The following ADAMTS14 variants were observed in gnomAD, a reference collection of about 807,000 sequenced individuals.
The protein encoded by ADAMTS14 is A disintegrin and metalloproteinase with thrombospondin motifs 14.
ADAMTS14 carries 100 observed loss-of-function variants against 128.6 expected under a neutral mutation model. That is an observed-to-expected ratio of 0.78 (90% confidence interval 0.66 to 0.92). The LOEUF is 0.92. ADAMTS14 is among the 40% of genes least tolerant of loss of function. ADAMTS14 has a pLI of 0.00. For synonymous variants in ADAMTS14, 665 were observed against 653.8 expected (o/e 1.02, Z -0.26); for missense variants, 1,562 against 1,658.6 (o/e 0.94, Z 1.01).
chr10:70,685,438 A>C (rs1839925494), intron 2 of ADAMTS14, among the ~76,000 whole-genome samples: 1 of 152,242 alleles, frequency 6.6e-6, no homozygotes, highest in African/African-American at 2.4e-5. Flanking sequence ...GAAAACCTGC[A>C]TGGATCCCAG....
chr10:70,726,213 C>A (rs551305538), intron 4 of ADAMTS14, among the ~76,000 whole-genome samples: 1 of 152,248 alleles, frequency 6.6e-6, no homozygotes, highest in African/African-American at 2.4e-5. Context: ...CAGCCCCCTG[C>A]CCAGTCCCAC....
intron 4 of ADAMTS14, among the ~76,000 whole-genome samples, chr10:70,712,034 C>A (rs1018778424): frequency 3.3e-5 from 5 of 151,650 alleles, no homozygotes; most frequent in Non-Finnish European, 5.9e-5. Flanking sequence ...AAGGCTACCA[C>A]ATGGAGTTGT....
In ADAMTS14 at chr10:70,752,235, C is replaced by T. The variant is rs376047294; in HGVS notation, c.2729+8C>T. ...CCCGTGCTCTCAGCCTGTGTGAGTGCTCCCAGGGAGGGACGGGGAGTCTGG... is the reference window on the plus strand; with the variant it reads ...CCCGTGCTCTCAGCCTGTGTGAGTGTTCCCAGGGAGGGACGGGGAGTCTGG... On this transcript the variant is annotated splice_region_variant and intron_variant, in intron 18 of 21. Coordinates refer to ENST00000373207, the MANE Select transcript of ADAMTS14 (RefSeq NM_080722.4). 1.9e-5 allele frequency: 30 copies of T among 1,613,286 alleles called. No homozygotes were observed. In the African/African-American group the frequency reaches 2.9e-4, roughly 16 times the overall value.
In ADAMTS14 at chr10:70,758,256, C is replaced by T. The variant is rs200753606; in HGVS notation, c.3149C>T (p.Pro1050Leu). The change falls in exon 21 of 22, where the codon CCC becomes CTC. Residue 1050 changes from proline (P) to leucine (L), a missense_variant. Coordinates refer to ENST00000373207, the MANE Select transcript of ADAMTS14 (RefSeq NM_080722.4). ...GGGCAGTGGGTGCCACAATCTGAAC[C>T]CCTACATCCCATTAACAAGATATCA... Reference protein sequence around the residue: ...PEGQWVPQSEPLHPINKISST... With the variant: ...PEGQWVPQSELLHPINKISST... 244 of 1,614,218 alleles carry T rather than the reference C, an allele frequency of 1.5e-4. No individual in the cohort carries two copies. The highest frequency in any genetic ancestry group is 1.6e-4 in the Middle Eastern group (1 of 6,062).
At chr10:70,733,306 G>C (rs935648725) in intron 7 of ADAMTS14, among the ~76,000 whole-genome samples, 1 of 152,224 alleles carries the variant, frequency 6.6e-6, no homozygotes, top group Admixed American at 6.5e-5. Flanking sequence ...TAATTGTGAA[G>C]AGCAAACTTT....
chr10:70,720,025 G>C (rs1422110816), intron 4 of ADAMTS14, among the ~76,000 whole-genome samples: 1 of 152,232 alleles, frequency 6.6e-6, no homozygotes, highest in Admixed American at 6.5e-5. Context: ...CTTGTGAGAG[G>C]GACTCTTTTG....
chr10:70,755,350 A>T (rs1456863773), intron 19 of ADAMTS14, among the ~76,000 whole-genome samples: 5 of 151,680 alleles, frequency 3.3e-5, no homozygotes, highest in Admixed American at 3.3e-4. Flanking sequence ...TAAGCCAGAC[A>T]TCCAGACATG....
intron 2 of ADAMTS14, among the ~76,000 whole-genome samples, chr10:70,697,858 G>A (rs866463719): frequency 1.3e-5 from 2 of 152,240 alleles, no homozygotes; most frequent in South Asian, 2.1e-4. Flanking sequence ...GCAGCCGAAT[G>A]TGTTACCTTT....
intron 2 of ADAMTS14, among the ~76,000 whole-genome samples, chr10:70,693,395 C>T (rs986982497): frequency 6.6e-6 from 1 of 152,230 alleles, no homozygotes; most frequent in Admixed American, 6.5e-5. Flanking sequence ...GGGCTCCCCT[C>T]CTGAGCCACT....
chr10:70,685,069 C>T (rs979001685), intron 2 of ADAMTS14, among the ~76,000 whole-genome samples: 3 of 152,260 alleles, frequency 2.0e-5, no homozygotes, highest in East Asian at 1.9e-4. Context: ...ATTTTTCTTC[C>T]TCTGTGTCTT....
chr10:70,685,518 T>C (rs1268510621), intron 2 of ADAMTS14, among the ~76,000 whole-genome samples: 1 of 152,090 alleles, frequency 6.6e-6, no homozygotes, highest in African/African-American at 2.4e-5. Flanking sequence ...GGAAAAGGCT[T>C]TGGGGCCCTC....
At chr10:70,688,193 T>C (rs1460024659) in intron 2 of ADAMTS14, among the ~76,000 whole-genome samples, 519 of 34,434 alleles carry the variant, frequency 0.015, no homozygotes, top group East Asian at 0.049. Flanking sequence ...CCAGACGGGG[T>C]CTCGGCCGGG....
rs1486292017 is a variant in ADAMTS14 at position 70,736,764 on chromosome 10, C to T, written c.1570C>T (p.Leu524=). The T allele has an allele frequency of 6.2e-7, 1 of 1,613,754 alleles. No homozygotes were observed. Among genetic ancestry groups the T allele is most frequent in the Non-Finnish European group, 8.5e-7 (1 of 1,179,842 alleles). Reference sequence around the variant, plus strand: ...CTGCAAGACCAAGAAGGGGCCCCCGCTGGATGGGACTGAGTGTGCACCCGG... The same window carrying T: ...CTGCAAGACCAAGAAGGGGCCCCCGTTGGATGGGACTGAGTGTGCACCCGG... ...YFCKTKKGPP[L]DGTECAPGKW... The change falls in exon 10 of 22, where the codon CTG becomes TTG. Residue 524 remains leucine, a synonymous_variant. Coordinates refer to ENST00000373207, the MANE Select transcript of ADAMTS14 (RefSeq NM_080722.4).
Position 70,736,760 on chromosome 10 carries a change from C to T in ADAMTS14, c.1566C>T (p.Pro522=). 2 of 1,613,812 alleles carry T rather than the reference C, an allele frequency of 1.2e-6. No individual in the cohort carries two copies. The highest frequency in any genetic ancestry group is 8.5e-7 in the Non-Finnish European group (1 of 1,179,794). Residue 522 remains proline, a synonymous_variant, in exon 10 of 22, where the codon CCC becomes CCT. Transcript: ENST00000373207. ...ACTTCTGCAAGACCAAGAAGGGGCC[C>T]CCGCTGGATGGGACTGAGTGTGCAC... The part of the protein sequence containing the change: ...NPYFCKTKKG[P]PLDGTECAPG...
intron 21 of ADAMTS14, among the ~76,000 whole-genome samples, chr10:70,759,983 C>T (rs12245825): frequency 0.19 from 28,457 of 152,228 alleles, 2,729 homozygotes; most frequent in Middle Eastern, 0.21. Flanking sequence ...CAGATGCGCC[C>T]ACACGTGGAG....
In ADAMTS14 at chr10:70,700,661, G is replaced by A. The variant is rs544579421; in HGVS notation, c.523-1651G>A. 3.9e-5 allele frequency among the ~76,000 whole-genome samples: 6 copies of A among 152,304 alleles called. No homozygotes were observed. The East Asian group carries it at 7.7e-4, about 20-fold the overall frequency. ...CCTTCCCCTTCAGGCCAGGGGGTTT[G>A]AGTTGAATTTCTAATCCTTGCAACC... On this transcript the variant is annotated intron_variant, in intron 2 of 21. Coordinates refer to ENST00000373207, the MANE Select transcript of ADAMTS14 (RefSeq NM_080722.4).
chr10:70,674,837 C>T lies in ADAMTS14; in HGVS notation c.364C>T (p.Arg122Trp), dbSNP rs147256643. ...VFGKELHLRL[R>W]PNRRLVVPGS... ...CGGGAAGGAACTGCACTTGCGCCTG[C>T]GGCCCAATCGGAGGTTGGTAGTGCC... The change falls in exon 2 of 22, where the codon CGG becomes TGG. Residue 122 changes from arginine to tryptophan, a missense_variant. By Grantham distance (101) the Arg-to-Trp change is moderately radical. Coordinates refer to ENST00000373207, the MANE Select transcript of ADAMTS14 (RefSeq NM_080722.4). 295 of 1,613,918 alleles carry T rather than the reference C, an allele frequency of 1.8e-4. 2 individuals are homozygous for T. The East Asian group carries it at 3.7e-3, about 20-fold the overall frequency.
intron 11 of ADAMTS14, among the ~76,000 whole-genome samples, chr10:70,740,722 C>T (rs1178683268): frequency 2.6e-5 from 4 of 152,210 alleles, no homozygotes; most frequent in Non-Finnish European, 4.4e-5. Flanking sequence ...CTGTGTCAGT[C>T]TGTACATCTG....
At chr10:70,680,936 C>T (rs1038051328) in intron 2 of ADAMTS14, among the ~76,000 whole-genome samples, 24 of 152,160 alleles carry the variant, frequency 1.6e-4, no homozygotes, top group Admixed American at 4.6e-4. Flanking sequence ...GCACCGCACC[C>T]AGCCAATCGT....
Sources: gnomAD v4.1 joint callset for allele counts (sites outside exome capture counted in the v4.1 genomes callset) on GRCh38, gnomAD v4.1.1 for gene constraint, MANE v1.5 for transcripts, NCBI Gene and HGNC (gene_info 2026-07-23, HGNC 2026-07-21) for gene names.